Variants in VANGL1 observed in about 807,000 individuals in gnomAD.
The protein encoded by VANGL1 is VANGL planar cell polarity protein 1.
A neutral mutation model predicts 48.4 loss-of-function variants in VANGL1; 18 were observed. The observed-to-expected ratio is 0.37, with a 90% confidence interval of 0.26 to 0.55. The LOEUF is 0.55. Ranked by LOEUF, VANGL1 falls within the 20% of genes least tolerant of loss-of-function variation. VANGL1 has a pLI of 0.81. For missense variants in VANGL1, 667 were observed against 675.8 expected (o/e 0.99, Z 0.14); for synonymous variants, 257 against 261.8 (o/e 0.98, Z 0.18).
In VANGL1 at chr1:115,691,205, T is replaced by C. The variant is rs567273805; in HGVS notation, c.1401T>C (p.Ser467=). 8.7e-6 allele frequency: 14 copies of C among 1,613,916 alleles called. No individual in the cohort carries two copies. Among genetic ancestry groups the C allele is most frequent in the South Asian group, 7.7e-5 (7 of 91,080 alleles). Residue 467 remains serine (S), a synonymous_variant, in exon 8 of 8, where the codon AGT becomes AGC. Transcript: ENST00000355485. ...TCTCTACACAGTGGAGGCTTGTCAG[T>C]GATGAGGCTGTGACTAATGGATTAC... ...RWLSTQWRLV[S]DEAVTNGLRD... is the part of the protein sequence containing the mutation.
intron 4 of VANGL1, among the ~76,000 whole-genome samples, chr1:115,673,520 C>G (rs1414964117): frequency 6.6e-6 from 1 of 151,434 alleles, no homozygotes; most frequent in Non-Finnish European, 1.5e-5. Flanking sequence ...CTTCGTGTTC[C>G]TTTATGGCTG....
At position 115,663,701 on chromosome 1, in the gene VANGL1, C is replaced by T. The variant is rs371028647; in HGVS notation, c.245C>T (p.Thr82Ile). 3.1e-6 allele frequency: 5 copies of T among 1,614,080 alleles called. No individual in the cohort carries two copies. Among genetic ancestry groups the T allele is most frequent in the Non-Finnish European group, 4.2e-6 (5 of 1,180,044 alleles). The change falls in exon 4 of 8, where the codon ACC becomes ATC. Residue 82 changes from threonine (T) to isoleucine (I), a missense_variant. Thr to Ile is a moderately conservative substitution (Grantham distance 89, BLOSUM62 -1). Coordinates refer to ENST00000355485, the MANE Select transcript of VANGL1 (RefSeq NM_138959.3). Reference sequence around the variant, plus strand: ...GAGACCACCACGGCCATCACAGGCACCTCGGAGCACAGCATATCCCAAGAG... The same window carrying T: ...GAGACCACCACGGCCATCACAGGCATCTCGGAGCACAGCATATCCCAAGAG... ...WGETTTAITG[T>I]SEHSISQEDI...
At chr1:115,685,152 G>C in intron 6 of VANGL1, 141 bp from the exon 7 acceptor site, 2 of 858,610 alleles carry the variant, frequency 2.3e-6, no homozygotes, top group South Asian at 2.9e-5. Context: ...CTCTCTGAGG[G>C]ACAGCTAAGG....
At chr1:115,683,797 C>A (rs770222135) in intron 5 of VANGL1, 147 bp from the exon 6 acceptor site, 15 of 1,056,376 alleles carry the variant, frequency 1.4e-5, no homozygotes, top group Non-Finnish European at 2.1e-5. Flanking sequence ...GCACAGTTCA[C>A]CCTCCTGGGA....
intron 4 of VANGL1, among the ~76,000 whole-genome samples, chr1:115,677,031 G>C (rs372160352): frequency 6.6e-5 from 10 of 152,362 alleles, no homozygotes; most frequent in African/African-American, 2.2e-4. Context: ...GCCAGAGTCT[G>C]CACCAGTTGC....
At chr1:115,651,556 A>G (rs1189740261) in intron 2 of VANGL1, 72 bp downstream of exon 2, 1 of 1,342,592 alleles carries the variant, frequency 7.4e-7, no homozygotes, top group Admixed American at 1.7e-5. Flanking sequence ...CTCTACACTC[A>G]CTTTTCAGTG....
intron 3 of VANGL1, among the ~76,000 whole-genome samples, chr1:115,660,746 C>T (rs1652517127): frequency 1.3e-5 from 2 of 152,290 alleles, no homozygotes; most frequent in East Asian, 1.9e-4. Flanking sequence ...TGCATACACA[C>T]AGGTAAGCAT....
chr1:115,680,565 A>G (rs992417521), intron 4 of VANGL1, among the ~76,000 whole-genome samples: 2 of 152,230 alleles, frequency 1.3e-5, no homozygotes, highest in African/African-American at 2.4e-5. Context: ...CCAGCCTCAC[A>G]TGACTGTACA....
chr1:115,682,219 G>A (rs796168803), intron 4 of VANGL1, 145 bp from the exon 5 acceptor site: 1 of 1,185,344 alleles, frequency 8.4e-7, no homozygotes, highest in African/African-American at 1.5e-5. Flanking sequence ...CTGGAGACCA[G>A]AAGTGTGGTG....
Position 115,651,264 on chromosome 1 carries a change from C to T in VANGL1, c.-137-13C>T. On this transcript the variant is annotated splice_polypyrimidine_tract_variant and intron_variant, in intron 1 of 7. Transcript: ENST00000355485. ...TGAAGATTAATGTCTTTTTTTTTCC[C>T]CCTCTTTCCCAGAATTTGTTCCTGT... is the stretch of plus-strand genomic sequence containing the variant. The T allele has an allele frequency of 6.0e-6, 4 of 669,966 alleles. No individual in the cohort carries two copies. The highest frequency in any genetic ancestry group is 2.6e-6 in the Non-Finnish European group (1 of 384,456). The allele number at this position is 669,966 out of a possible 1,614,324, so 41.5% of individuals were successfully genotyped here.
At position 115,668,828 on chromosome 1, in the gene VANGL1, C is replaced by T. The variant is rs143749503; in HGVS notation, c.812+4560C>T. On this transcript the variant is annotated intron_variant, in intron 4 of 7. Coordinates refer to ENST00000355485, the MANE Select transcript of VANGL1 (RefSeq NM_138959.3). ...CTTCTTAAATGGCAGCTCAGGGCTC[C>T]CAGGAGCACAAAAGCAGAAGCTCCC... 3.9e-3 allele frequency among the ~76,000 whole-genome samples: 589 copies of T among 152,266 alleles called. 3 individuals are homozygous for T. Among genetic ancestry groups the T allele is most frequent in the African/African-American group, 0.014 (567 of 41,560 alleles).
chr1:115,657,830 C>G (rs1000001230), intron 2 of VANGL1, among the ~76,000 whole-genome samples: 4 of 152,176 alleles, frequency 2.6e-5, no homozygotes, highest in Non-Finnish European at 5.9e-5. Flanking sequence ...CTAGAGAGGC[C>G]TCAGGAAGCT....
rs1197668274 is a variant in VANGL1 at position 115,694,866 on chromosome 1, T to TA, written c.*3488dup. 1 of 152,254 alleles carries TA rather than the reference T, an allele frequency of 6.6e-6. No homozygotes were observed. Among genetic ancestry groups the TA allele is most frequent in the Non-Finnish European group, 1.5e-5 (1 of 68,050 alleles). The allele number at this position is 152,254 out of a possible 1,614,324, so 9.4% of individuals were successfully genotyped here. A position where few individuals can be genotyped will look rare whatever the true frequency, so the allele number is the denominator to read the frequency against. ...TGTAGCAGGTGTGTAGCTCAGCAGATACGTGTCATTGTGTATATAGCTGAG... is the reference window on the plus strand; with the variant it reads ...TGTAGCAGGTGTGTAGCTCAGCAGATAACGTGTCATTGTGTATATAGCTGAG... On this transcript the variant is annotated 3_prime_UTR_variant, in exon 8 of 8. Coordinates refer to ENST00000355485, the MANE Select transcript of VANGL1 (RefSeq NM_138959.3).
chr1:115,659,882 C>T, intron 3 of VANGL1, 109 bp downstream of exon 3: 1 of 1,480,742 alleles, frequency 6.8e-7, no homozygotes, highest in Non-Finnish European at 9.3e-7. Flanking sequence ...TTCTAGCATG[C>T]TAATTAGTTT....
chr1:115,647,248 C>T (rs1021866014), intron 1 of VANGL1, among the ~76,000 whole-genome samples: 1 of 152,196 alleles, frequency 6.6e-6, no homozygotes, highest in Non-Finnish European at 1.5e-5. Flanking sequence ...ATATTCCCAC[C>T]TTTATATGAC....
At chr1:115,681,503 G>GTTTTTTTTTTTTT (rs368388367) in intron 4 of VANGL1, among the ~76,000 whole-genome samples, 3 of 114,880 alleles carry the variant, frequency 2.6e-5, no homozygotes, top group Non-Finnish European at 3.6e-5. Flanking sequence ...TTTTTTTGTT[G>GTTTTTTTTTTTTT]TTTTTTTTGT....
chr1:115,670,712 C>A (rs780148558), intron 4 of VANGL1, among the ~76,000 whole-genome samples: 3 of 152,184 alleles, frequency 2.0e-5, no homozygotes, highest in Non-Finnish European at 2.9e-5. Context: ...TCTTAAATGA[C>A]CATCAGTGGT....
rs761638108 is a variant in VANGL1 at position 115,685,443 on chromosome 1, C to T, written c.1230C>T (p.Arg410=). ...CCAGGGCTCTCCAGAAGTACCTGCG[C>T]ATCACCCGGCAGCAGAACTACCACA... ...SMARALQKYL[R]ITRQQNYHSM... Residue 410 remains arginine (R), a synonymous_variant, in exon 7 of 8, where the codon CGC becomes CGT. Coordinates refer to ENST00000355485, the MANE Select transcript of VANGL1 (RefSeq NM_138959.3). The T allele has an allele frequency of 6.2e-7, 1 of 1,614,142 alleles. No homozygotes were observed. Among genetic ancestry groups the T allele is most frequent in the South Asian group, 1.1e-5 (1 of 91,082 alleles).
intron 4 of VANGL1, among the ~76,000 whole-genome samples, chr1:115,676,858 C>A (rs1394914618): frequency 6.6e-6 from 1 of 152,238 alleles, no homozygotes; most frequent in Non-Finnish European, 1.5e-5. Context: ...TTCAGTAAGA[C>A]GTTTTATGCC....
Sources: allele counts gnomAD v4.1 joint callset (sites outside exome capture counted in the v4.1 genomes callset), GRCh38; gene constraint gnomAD v4.1.1; transcripts MANE v1.5; gene names NCBI Gene and HGNC (gene_info 2026-07-23, HGNC 2026-07-21).